Variants in AFAP1 observed in about 807,000 individuals in gnomAD.
AFAP1 encodes the protein actin filament associated protein 1, also known as actin filament-associated protein 1.
Under a neutral mutation model 93.9 loss-of-function variants are expected in AFAP1, and 75 were observed. The ratio of observed to expected loss-of-function variants is 0.80; its 90% CI spans 0.66 to 0.97. AFAP1 has a LOEUF of 0.97. AFAP1 is among the 50% of genes least tolerant of loss of function. The pLI is 0.00. For missense variants in AFAP1, 1,201 were observed against 1,050.8 expected (o/e 1.14, Z -1.98); for synonymous variants, 517 against 430.7 (o/e 1.20, Z -2.48).
At chr4:7,811,584 C>CA (rs1720045228) in intron 8 of AFAP1, among the ~76,000 whole-genome samples, 1 of 152,040 alleles carries the variant, frequency 6.6e-6, no homozygotes, top group African/African-American at 2.4e-5. Context: ...TCTCCTGCCT[C>CA]GGGCCTTGCC....
chr4:7,874,564 T>TC (rs1717371201), intron 1 of AFAP1, among the ~76,000 whole-genome samples: 3 of 117,350 alleles, frequency 2.6e-5, no homozygotes, highest in African/African-American at 9.8e-5. Context: ...TTTTTTTTTT[T>TC]AGTAGAAACA....
intron 16 of AFAP1, chr4:7,772,581 A>G (rs887792968): frequency 3.8e-6 from 2 of 528,422 alleles, no homozygotes; most frequent in African/African-American, 3.8e-5. Context: ...GGGGAAAGAC[A>G]CAGACTCAGC....
intron 4 of AFAP1, among the ~76,000 whole-genome samples, chr4:7,848,504 C>T (rs746853068): frequency 7.9e-5 from 12 of 152,036 alleles, no homozygotes; most frequent in East Asian, 3.9e-4. Flanking sequence ...GTCCCAAGGC[C>T]GGGATGCCTG....
At chr4:7,861,572 T>C (rs1715692335) in intron 3 of AFAP1, among the ~76,000 whole-genome samples, 1 of 152,238 alleles carries the variant, frequency 6.6e-6, no homozygotes, top group East Asian at 1.9e-4. Context: ...GTTTCTCTCC[T>C]TTTACTTATG....
chr4:7,827,189 C>G (rs1560183624), intron 6 of AFAP1, among the ~76,000 whole-genome samples: 1 of 152,028 alleles, frequency 6.6e-6, no homozygotes, highest in Non-Finnish European at 1.5e-5. Context: ...CAAGCTGAGG[C>G]ACGGAAGGAG....
At position 7,800,577 on chromosome 4, in the gene AFAP1, G is replaced by A. The variant is rs759971343; in HGVS notation, c.1131C>T (p.His377=). ...GGGTCTTCAGGTCGGTCCTGTCCTT[G>A]TGGAAAATGAGCTTGTTATCTTTCA... ...CRVKDNKLIF[H]KDRTDLKTHI... Residue 377 remains histidine, a synonymous_variant, in exon 10 of 18, where the codon CAC becomes CAT. Transcript: ENST00000420658. 9.9e-6 allele frequency: 16 copies of A among 1,614,066 alleles called. No homozygotes were observed. Among genetic ancestry groups the A allele is most frequent in the Non-Finnish European group, 1.2e-5 (14 of 1,180,044 alleles).
At chr4:7,858,779 G>C (rs904409614) in intron 3 of AFAP1, among the ~76,000 whole-genome samples, 2 of 152,148 alleles carry the variant, frequency 1.3e-5, no homozygotes, top group South Asian at 2.1e-4. Context: ...CCTAAAACAA[G>C]GGCATCGCAT....
chr4:7,811,452 C>T (rs1426169090), intron 8 of AFAP1, among the ~76,000 whole-genome samples: 1 of 151,950 alleles, frequency 6.6e-6, no homozygotes, highest in South Asian at 2.1e-4. Context: ...CACGCAGTCC[C>T]CTTATCCTTC....
At chr4:7,872,687 C>G (rs191712569) in intron 1 of AFAP1, among the ~76,000 whole-genome samples, 41 of 152,230 alleles carry the variant, frequency 2.7e-4, no homozygotes, top group African/African-American at 9.1e-4. Context: ...TGGCTTAGGT[C>G]AGCAGTTTGT....
intron 3 of AFAP1, among the ~76,000 whole-genome samples, chr4:7,863,758 A>C (rs1212049660): frequency 6.6e-6 from 1 of 152,232 alleles, no homozygotes; most frequent in Non-Finnish European, 1.5e-5. Context: ...AGGATAAAAA[A>C]GTAAAAGACA....
rs374798435 is a variant in AFAP1 at position 7,868,682 on chromosome 4, G to A, written c.165C>T (p.Thr55=). 3.7e-5 allele frequency: 60 copies of A among 1,613,332 alleles called. No homozygotes were observed. Among genetic ancestry groups the A allele is most frequent in the South Asian group, 6.6e-5 (6 of 91,050 alleles). ...DVKDHAQKQE[T]ANSLPAPPQM... is the part of the protein sequence containing the mutation. ...GAGGAGGGGCTGGCAGGCTGTTAGC[G>A]GTCTCCTGCTTCTGAGCATGGTCCT... The change falls in exon 3 of 18, where the codon ACC becomes ACT. Residue 55 remains threonine, a synonymous_variant. Coordinates refer to ENST00000420658, the MANE Select transcript of AFAP1 (RefSeq NM_001134647.2).
At chr4:7,913,992 C>T (rs1368574100) in intron 1 of AFAP1, among the ~76,000 whole-genome samples, 2 of 151,986 alleles carry the variant, frequency 1.3e-5, no homozygotes, top group Non-Finnish European at 2.9e-5. Context: ...CCATCTCAAA[C>T]ATTTATCATT....
intron 6 of AFAP1, among the ~76,000 whole-genome samples, chr4:7,831,597 C>T (rs1159501928): frequency 6.6e-6 from 1 of 152,184 alleles, no homozygotes; most frequent in African/African-American, 2.4e-5. Flanking sequence ...CGGCTCTACG[C>T]CCTCTCCCAG....
Position 7,819,172 on chromosome 4 carries a change from C to G in AFAP1, c.727-1G>C. ...AACCACTGTAGGCTTCTTTGATCAC[C>G]TATAAAAAGCACAGACACTTTGTGA... On this transcript the variant is annotated splice_acceptor_variant, in intron 6 of 17. Coordinates refer to ENST00000420658, the MANE Select transcript of AFAP1 (RefSeq NM_001134647.2). LOFTEE classifies it high-confidence loss of function. The G allele has an allele frequency of 6.2e-7, 1 of 1,607,374 alleles. No individual in the cohort carries two copies. Among genetic ancestry groups the G allele is most frequent in the Admixed American group, 1.7e-5 (1 of 58,320 alleles).
chr4:7,872,239 G>A lies in AFAP1; in HGVS notation c.-2-159C>T, dbSNP rs1181357656. The A allele has an allele frequency of 8.6e-6, 7 of 818,680 alleles. No homozygotes were observed. In the African/African-American group the frequency reaches 8.7e-5, roughly 10 times the overall value. The allele number at this position is 818,680 out of a possible 1,614,324, so 50.7% of individuals were successfully genotyped here. A position where few individuals can be genotyped will look rare whatever the true frequency, so the allele number is the denominator to read the frequency against. The stretch of plus-strand genomic sequence containing the variant: ...TTTGCTGAAAGCAGGTCCACTAAAA[G>A]ATTCAGGCGTCTTCTTCTTAACAAA... On this transcript the variant is annotated intron_variant, in intron 1 of 17. Transcript: ENST00000420658.
intron 1 of AFAP1, among the ~76,000 whole-genome samples, chr4:7,878,064 G>C (rs1391308472): frequency 6.6e-6 from 1 of 152,218 alleles, no homozygotes; most frequent in Non-Finnish European, 1.5e-5. Context: ...ATCTCACTAC[G>C]GCGCCAAAGC....
chr4:7,791,868 C>G (rs1381608435), intron 11 of AFAP1, among the ~76,000 whole-genome samples: 1 of 149,560 alleles, frequency 6.7e-6, no homozygotes, highest in Admixed American at 6.7e-5. Context: ...CAAAAAACAA[C>G]AACAACAAAA....
chr4:7,793,739 C>T lies in AFAP1; in HGVS notation c.1354G>A (p.Asp452Asn). 1 of 1,579,690 alleles carries T rather than the reference C, an allele frequency of 6.3e-7. No homozygotes were observed. The highest frequency in any genetic ancestry group is 8.7e-7 in the Non-Finnish European group (1 of 1,153,480). ...GCAGACATCTCCACATCAATGTAGT[C>T]ATAGTGCAGAGCCTCCGGGTCTGTG... ...SSTDPEALHY[D>N]YIDVEMSASV... The change falls in exon 11 of 18, where the codon GAC (aspartate) becomes AAC (asparagine). Residue 452 changes from aspartate to asparagine, a missense_variant. By Grantham distance (23) the Asp-to-Asn change is conservative (BLOSUM62 1). Coordinates refer to ENST00000420658, the MANE Select transcript of AFAP1 (RefSeq NM_001134647.2).
chr4:7,801,466 G>C (rs184486167), intron 9 of AFAP1, among the ~76,000 whole-genome samples: 1 of 151,648 alleles, frequency 6.6e-6, no homozygotes, highest in African/African-American at 2.4e-5. Context: ...ACAGGAAATG[G>C]ACACTTTTCA....
Sources: allele counts gnomAD v4.1 joint callset (sites outside exome capture counted in the v4.1 genomes callset), GRCh38; gene constraint gnomAD v4.1.1; transcripts MANE v1.5; gene names NCBI Gene and HGNC (gene_info 2026-07-23, HGNC 2026-07-21).